Variants in CHTF8 observed in about 807,000 individuals in gnomAD.
CHTF8 encodes the protein chromosome transmission fidelity protein 8 homolog.
In CHTF8, 6 loss-of-function variants were observed where a neutral mutation model predicts 11.0. The observed-to-expected ratio is 0.55, with a 90% CI of 0.30 to 1.08. CHTF8 has a LOEUF of 1.08. CHTF8 is among the 50% of genes least tolerant of loss of function. The pLI, the probability that CHTF8 is intolerant of heterozygous loss-of-function variation, is 0.07. For synonymous variants in CHTF8, 53 were observed against 60.5 expected, an observed-to-expected ratio of 0.88 and a Z score of 0.57; for missense variants, 140 against 153.1, an observed-to-expected ratio of 0.91 and a Z score of 0.45.
chr16:69,129,953 C>CA (rs1369658451), intron 1 of CHTF8, among the ~76,000 whole-genome samples: 1 of 152,228 alleles, frequency 6.6e-6, no homozygotes, highest in Admixed American at 6.5e-5. Context: ...AAAATCTACT[C>CA]AATGCCACCT....
At chr16:69,130,453 T>C (rs1005154803) in intron 1 of CHTF8, among the ~76,000 whole-genome samples, 2 of 152,230 alleles carry the variant, frequency 1.3e-5, no homozygotes, top group Non-Finnish European at 2.9e-5. Context: ...TTGGCATTTA[T>C]TGAGCTTTTG....
chr16:69,120,461 G>T lies in CHTF8; in HGVS notation c.330C>A (p.Pro110=), dbSNP rs1961562826. The change falls in exon 4 of 4, where the codon CCC becomes CCA. Residue 110 remains proline, a synonymous_variant. Transcript: ENST00000448552. The surrounding 1 kb of genome is among the most constrained non-coding windows in gnomAD (Gnocchi z 4.0). ...IKDKILFKTR[P]KPIITSVPKK... ...TGGGGACGCTGGTGATAATGGGCTT[G>T]GGGCGGGTTTTGAAAAGGATCTTGT... The T allele has an allele frequency of 3.1e-6, 5 of 1,614,156 alleles. No individual in the cohort carries two copies. The East Asian group carries it at 1.1e-4, about 36-fold the overall frequency.
intron 1 of CHTF8, among the ~76,000 whole-genome samples, chr16:69,129,887 G>A (rs1391292115): frequency 6.6e-6 from 1 of 152,180 alleles, no homozygotes; most frequent in African/African-American, 2.4e-5. Context: ...AAACAAAGAA[G>A]CAGCTTGCTT....
rs1376840224 is a variant in CHTF8 at position 69,118,771 on chromosome 16, A to G, written c.*1654T>C. The G allele has an allele frequency of 6.3e-6, 4 of 639,960 alleles. No homozygotes were observed. The highest frequency in any genetic ancestry group is 1.1e-5 in the Non-Finnish European group (4 of 356,618). 39.6% of individuals were successfully genotyped at this position (639,960 alleles called of 1,614,324 possible). A position where few individuals can be genotyped will look rare whatever the true frequency, so the allele number is the denominator to read the frequency against. ...GCTATGTTCTTCAGACTGTAGCTCC[A>G]CAACTACCCTTTTACCTAAGACAGC... On this transcript the variant is annotated 3_prime_UTR_variant, in exon 4 of 4. Transcript: ENST00000448552.
At chr16:69,129,586 A>C (rs1439843163) in intron 1 of CHTF8, among the ~76,000 whole-genome samples, 1 of 151,938 alleles carries the variant, frequency 6.6e-6, no homozygotes, top group Non-Finnish European at 1.5e-5. Context: ...AGGTCTTCTC[A>C]CTCCCATTTC....
chr16:69,124,253 G>A lies in CHTF8; in HGVS notation c.-35-2760C>T, dbSNP rs371522194. Reference sequence around the variant, plus strand: ...TTCTGTGATGCATAGATTCATGGGGGGCTGATAGGATCGGGGATAAAACTA... The same window carrying A: ...TTCTGTGATGCATAGATTCATGGGGAGCTGATAGGATCGGGGATAAAACTA... On this transcript the variant is annotated intron_variant, in intron 1 of 3. Coordinates refer to ENST00000448552, the MANE Select transcript of CHTF8 (RefSeq NM_001039690.5). Among the ~76,000 whole-genome samples, 37 of 152,156 alleles carry A rather than the reference G, an allele frequency of 2.4e-4. 3 individuals are homozygous for A. The highest frequency in any genetic ancestry group is 2.0e-3 in the Admixed American group (30 of 15,276).
intron 1 of CHTF8, among the ~76,000 whole-genome samples, chr16:69,128,946 C>A (rs552521977): frequency 6.6e-6 from 1 of 152,078 alleles, no homozygotes; most frequent in Non-Finnish European, 1.5e-5. Flanking sequence ...CACCTGTAAT[C>A]CCAGCTACTC....
rs1961423945 is a variant in CHTF8, at chr16:69,119,256, G to A, written c.*1169C>T. On this transcript the variant is annotated 3_prime_UTR_variant, in exon 4 of 4. Transcript: ENST00000448552. Reference sequence around the variant, plus strand: ...GGAAAATGGTTGGATTTGAGCCCTGGAGGCCAGCGGACCTTTGGAAGGTAG... The same window carrying A: ...GGAAAATGGTTGGATTTGAGCCCTGAAGGCCAGCGGACCTTTGGAAGGTAG... 2.8e-6 allele frequency: 2 copies of A among 703,042 alleles called. No individual in the cohort carries two copies. Among genetic ancestry groups the A allele is most frequent in the East Asian group, 2.7e-5 (1 of 37,288 alleles). The allele number at this position is 703,042 out of a possible 1,614,324, so 43.6% of individuals were successfully genotyped here. A position where few individuals can be genotyped will look rare whatever the true frequency, so the allele number is the denominator to read the frequency against.
rs540013729 is a variant in CHTF8, at chr16:69,120,975, A to C, written c.141+78T>G. Reference sequence around the variant, plus strand: ...GAATAACAAACCTGAGGCAGTCCTCACTCTGGGTCCTGGGAGCACCACCTT... The same window carrying C: ...GAATAACAAACCTGAGGCAGTCCTCCCTCTGGGTCCTGGGAGCACCACCTT... On this transcript the variant is annotated intron_variant, in intron 3 of 3. Coordinates refer to ENST00000448552, the MANE Select transcript of CHTF8 (RefSeq NM_001039690.5). The surrounding 1 kb of genome is among the most constrained non-coding windows in gnomAD (Gnocchi z 4.0). The C allele has an allele frequency of 1.6e-6, 2 of 1,227,420 alleles. No individual in the cohort carries two copies. Among genetic ancestry groups the C allele is most frequent in the East Asian group, 2.3e-5 (1 of 43,138 alleles). The allele number at this position is 1,227,420 out of a possible 1,614,324, so 76.0% of individuals were successfully genotyped here.
intron 2 of CHTF8, 61 bp from the exon 3 acceptor site, chr16:69,121,231 C>T: frequency 6.7e-7 from 1 of 1,489,716 alleles, no homozygotes; most frequent in Non-Finnish European, 9.3e-7. Context: ...ATAGTGTCCT[C>T]ACACCACCAT....
intron 1 of CHTF8, among the ~76,000 whole-genome samples, chr16:69,121,989 T>C (rs1961708244): frequency 6.6e-6 from 1 of 151,996 alleles, no homozygotes; most frequent in Non-Finnish European, 1.5e-5. Flanking sequence ...GGTTTCACCA[T>C]GTTGGCCAGG....
At chr16:69,127,600 A>AC (rs906646574) in intron 1 of CHTF8, among the ~76,000 whole-genome samples, 61 of 143,558 alleles carry the variant, frequency 4.2e-4, no homozygotes, top group African/African-American at 1.5e-3. Context: ...TCTCCCGGCA[A>AC]CTTTTTTTTT....
At chr16:69,129,834 T>G (rs1475498886) in intron 1 of CHTF8, among the ~76,000 whole-genome samples, 2 of 152,222 alleles carry the variant, frequency 1.3e-5, no homozygotes, top group Non-Finnish European at 2.9e-5. Flanking sequence ...AAAGACCTTG[T>G]AACTTGCCAC....
At chr16:69,129,651 T>C (rs1248178520) in intron 1 of CHTF8, among the ~76,000 whole-genome samples, 2 of 152,152 alleles carry the variant, frequency 1.3e-5, no homozygotes, top group East Asian at 3.8e-4. Context: ...ACACAGCTAC[T>C]TAAGTGGAGA....
Position 69,121,762 on chromosome 16 carries a change from G to A in CHTF8, c.-35-269C>T, listed in dbSNP as rs1296239586. ...AGCTCACTGCAAGCTCCGCCTCCGG[G>A]GTTCATGCCATTCTCCTGCCTCAGC... On this transcript the variant is annotated intron_variant, in intron 1 of 3. Coordinates refer to ENST00000448552, the MANE Select transcript of CHTF8 (RefSeq NM_001039690.5). 3.3e-5 allele frequency among the ~76,000 whole-genome samples: 5 copies of A among 152,214 alleles called. No homozygotes were observed. The East Asian group carries it at 9.7e-4, about 29-fold the overall frequency.
chr16:69,118,532 A>G lies in CHTF8; in HGVS notation c.*1893T>C. On this transcript the variant is annotated 3_prime_UTR_variant, in exon 4 of 4. Coordinates refer to ENST00000448552, the MANE Select transcript of CHTF8 (RefSeq NM_001039690.5). ...CCTGCAGGCCAATGTATCCCTGAGG[A>G]AAAGTCCACAAGAACAATTCAAGAA... 1 of 918,996 alleles carries G rather than the reference A, an allele frequency of 1.1e-6. No individual in the cohort carries two copies. The highest frequency in any genetic ancestry group is 1.8e-6 in the Non-Finnish European group (1 of 549,330). The allele number at this position is 918,996 out of a possible 1,614,324, so 56.9% of individuals were successfully genotyped here.
chr16:69,126,188 T>C (rs374455666), intron 1 of CHTF8, among the ~76,000 whole-genome samples: 9 of 152,186 alleles, frequency 5.9e-5, no homozygotes, highest in African/African-American at 2.2e-4. Context: ...AGGTACACGG[T>C]ATATTCTAGG....
In CHTF8 at chr16:69,118,727, C is replaced by G. The variant is rs1366945577; in HGVS notation, c.*1698G>C. On this transcript the variant is annotated 3_prime_UTR_variant, in exon 4 of 4. Coordinates refer to ENST00000448552, the MANE Select transcript of CHTF8 (RefSeq NM_001039690.5). Reference sequence around the variant, plus strand: ...AAAAACGCAAAGGAAAAAGATGGCTCATTTGAACTTGAGCCCAAGCTATGT... The same window carrying G: ...AAAAACGCAAAGGAAAAAGATGGCTGATTTGAACTTGAGCCCAAGCTATGT... The G allele has an allele frequency of 1.6e-6, 1 of 642,006 alleles. No homozygotes were observed. The highest frequency in any genetic ancestry group is 2.8e-6 in the Non-Finnish European group (1 of 357,980). 39.8% of individuals were successfully genotyped at this position (642,006 alleles called of 1,614,324 possible). A position where few individuals can be genotyped will look rare whatever the true frequency, so the allele number is the denominator to read the frequency against.
In CHTF8 at chr16:69,119,610, G is replaced by A. The variant is rs748300698; in HGVS notation, c.*815C>T. The A allele has an allele frequency of 1.3e-5, 9 of 695,390 alleles. No individual in the cohort carries two copies. Among genetic ancestry groups the A allele is most frequent in the Non-Finnish European group, 2.4e-5 (9 of 380,652 alleles). 43.1% of individuals were successfully genotyped at this position (695,390 alleles called of 1,614,324 possible). On this transcript the variant is annotated 3_prime_UTR_variant, in exon 4 of 4. Coordinates refer to ENST00000448552, the MANE Select transcript of CHTF8 (RefSeq NM_001039690.5). ...CTGCTCTTAGAATGGGGGCAAGATC[G>A]AGGCCTTGAGGTCCAGCCATTCTTA...
Sources: allele counts gnomAD v4.1 joint callset (sites outside exome capture counted in the v4.1 genomes callset), GRCh38; gene constraint gnomAD v4.1.1; non-coding constraint Gnocchi (gnomAD v3.1); transcripts MANE v1.5; gene names NCBI Gene and HGNC (gene_info 2026-07-23, HGNC 2026-07-21).